SATB2: variants seen among roughly 807,000 people sequenced by gnomAD.
SATB2 encodes the protein SATB homeobox 2.
SATB2 carries 1 observed loss-of-function variant against 73.4 expected under a neutral mutation model. The ratio of observed to expected loss-of-function variants is 0.01; its 90% confidence interval spans 0.00 to 0.06. The LOEUF (loss-of-function observed/expected upper bound fraction) is 0.06, where lower values mean the gene tolerates loss of function less well. SATB2 is among the 10% of genes least tolerant of loss of function. SATB2 has a pLI of 1.00. For synonymous variants in SATB2, 397 were observed against 367.0 expected (o/e 1.08, Z -0.93); for missense variants, 459 against 945.8 (o/e 0.49, Z 6.75).
chr2:199,363,057 C>A (rs1037419170), intron 6 of SATB2, among the ~76,000 whole-genome samples: 1 of 152,174 alleles, frequency 6.6e-6, no homozygotes, highest in Non-Finnish European at 1.5e-5. Flanking sequence ...TTCAGCCCAA[C>A]AAAGCAGTTA....
chr2:199,307,045 T>G (rs1481039583), intron 10 of SATB2, among the ~76,000 whole-genome samples: 2 of 152,056 alleles, frequency 1.3e-5, no homozygotes, highest in African/African-American at 2.4e-5. Context: ...CTGAAGCAAG[T>G]CCTTGGCCTT....
chr2:199,426,111 C>CT (rs1229673073), intron 3 of SATB2, among the ~76,000 whole-genome samples: 1 of 151,914 alleles, frequency 6.6e-6, no homozygotes, highest in Non-Finnish European at 1.5e-5. Context: ...GCTCTAAGGC[C>CT]TAAAATGTCT....
intron 7 of SATB2, among the ~76,000 whole-genome samples, chr2:199,342,009 A>G (rs1403234534): frequency 6.6e-6 from 1 of 152,164 alleles, no homozygotes; most frequent in Non-Finnish European, 1.5e-5. Context: ...GGAGGCTGGG[A>G]GCTGCCCTGT....
intron 8 of SATB2, among the ~76,000 whole-genome samples, chr2:199,327,460 T>G (rs1314448855): frequency 6.6e-6 from 1 of 151,962 alleles, no homozygotes; most frequent in Non-Finnish European, 1.5e-5. Context: ...CAAAAAAAAT[T>G]TATACCTGTT....
chr2:199,350,464 A>AC (rs1688782833), intron 6 of SATB2, among the ~76,000 whole-genome samples: 3 of 152,216 alleles, frequency 2.0e-5, no homozygotes, highest in African/African-American at 7.2e-5. Flanking sequence ...GCCAAATCAC[A>AC]TGTGAAGCAC....
chr2:199,329,428 CAAAA>C (rs5837677), intron 7 of SATB2: 81 of 126,140 alleles, frequency 6.4e-4, no homozygotes, highest in Admixed American at 1.2e-3. Context: ...ATTTCTTATG[CAAAA>C]AAAAAAAAAA....
At chr2:199,386,029 A>C (rs1689921166) in intron 3 of SATB2, among the ~76,000 whole-genome samples, 1 of 152,174 alleles carries the variant, frequency 6.6e-6, no homozygotes, top group Admixed American at 6.5e-5. Flanking sequence ...CTTAAGGGAC[A>C]ATAGATCCTT....
chr2:199,385,454 C>T (rs1235660065), intron 3 of SATB2, among the ~76,000 whole-genome samples: 1 of 152,076 alleles, frequency 6.6e-6, no homozygotes, highest in East Asian at 1.9e-4. Flanking sequence ...TACTTTAAAA[C>T]AAACAAAAAC....
intron 5 of SATB2, among the ~76,000 whole-genome samples, chr2:199,377,903 A>G (rs1689651406): frequency 6.6e-6 from 1 of 152,152 alleles, no homozygotes; most frequent in Non-Finnish European, 1.5e-5. Context: ...TGTTTAGGTC[A>G]GACAACTACG....
chr2:199,410,991 CTAAT>C (rs1690796678), intron 3 of SATB2, among the ~76,000 whole-genome samples: 1 of 151,504 alleles, frequency 6.6e-6, no homozygotes, highest in Non-Finnish European at 1.5e-5. Flanking sequence ...TTTTTTTTTC[CTAAT>C]TAAAGAAGCC....
At chr2:199,462,810 C>T (rs916173811), upstream of SATB2, among the ~76,000 whole-genome samples, 28 of 151,668 alleles carry the variant, frequency 1.8e-4, no homozygotes, top group African/African-American at 6.8e-4. The surrounding 1 kb of genome is among the most constrained non-coding windows in gnomAD (Gnocchi z 5.9). Context: ...GGATGGTGGG[C>T]AACGAGTCTG....
chr2:199,427,505 G>A (rs1691372103), intron 3 of SATB2, among the ~76,000 whole-genome samples: 1 of 151,890 alleles, frequency 6.6e-6, no homozygotes, highest in Non-Finnish European at 1.5e-5. Context: ...ACAGTATTGT[G>A]GTTTATGTTT....
intron 10 of SATB2, among the ~76,000 whole-genome samples, chr2:199,304,263 G>A (rs1475480258): frequency 6.6e-6 from 1 of 152,084 alleles, no homozygotes; most frequent in South Asian, 2.1e-4. Flanking sequence ...ACAGGGCCTT[G>A]GGTTATAATA....
intron 6 of SATB2, 36 bp from the exon 7 acceptor site, chr2:199,349,209 T>C: frequency 1.4e-6 from 2 of 1,457,338 alleles, no homozygotes; most frequent in Non-Finnish European, 1.9e-6. Flanking sequence ...AATCATTATT[T>C]TCATTGGTAC....
rs77588116 is a variant in SATB2, at chr2:199,314,100, C to G, written c.1543-5143G>C. ...ATAACCCTGAAGCATTTTGTTTATACTTTTTCACAACTTGATCATTATTAT... is the reference window on the plus strand; with the variant it reads ...ATAACCCTGAAGCATTTTGTTTATAGTTTTTCACAACTTGATCATTATTAT... On this transcript the variant is annotated intron_variant, in intron 9 of 10. Coordinates refer to ENST00000417098, the MANE Select transcript of SATB2 (RefSeq NM_001172509.2). 7.6e-3 allele frequency among the ~76,000 whole-genome samples: 1,152 copies of G among 152,208 alleles called. 12 individuals are homozygous for G. Among genetic ancestry groups the G allele is most frequent in the African/African-American group, 0.026 (1,081 of 41,534 alleles).
chr2:199,361,146 C>T (rs1689125268), intron 6 of SATB2, among the ~76,000 whole-genome samples: 1 of 152,144 alleles, frequency 6.6e-6, no homozygotes, highest in South Asian at 2.1e-4. Context: ...GTCCTTTAGT[C>T]GGCTGGTTTC....
At chr2:199,468,437 G>A (rs888497314), upstream of SATB2, among the ~76,000 whole-genome samples, 2 of 152,114 alleles carry the variant, frequency 1.3e-5, no homozygotes, top group African/African-American at 4.8e-5. Flanking sequence ...AGCTCTGGGA[G>A]CACCGCCTGG....
intron 10 of SATB2, among the ~76,000 whole-genome samples, chr2:199,286,037 G>A (rs564573575): frequency 7.3e-4 from 111 of 152,138 alleles, no homozygotes; most frequent in Middle Eastern, 3.4e-3. Context: ...TTGGGTTTTG[G>A]AGGAAGCATG....
chr2:199,276,160 C>T (rs1353286377), intron 10 of SATB2, among the ~76,000 whole-genome samples: 2 of 152,134 alleles, frequency 1.3e-5, no homozygotes, highest in Non-Finnish European at 1.5e-5. Context: ...GAGAGCAGTA[C>T]CTAATGCCTA....
Sources: allele counts gnomAD v4.1 joint callset (sites outside exome capture counted in the v4.1 genomes callset), GRCh38; gene constraint gnomAD v4.1.1; non-coding constraint Gnocchi (gnomAD v3.1); transcripts MANE v1.5; gene names NCBI Gene and HGNC (gene_info 2026-07-23, HGNC 2026-07-21).